Variants in RTF1 observed in about 807,000 individuals in gnomAD.
The protein encoded by RTF1 is RNA polymerase-associated protein RTF1 homolog.
RTF1 carries 10 observed loss-of-function variants against 95.7 expected under a neutral mutation model. That is an observed-to-expected ratio of 0.10 (90% CI 0.06 to 0.18). RTF1 has a LOEUF of 0.18. Among genes scored for constraint, RTF1 ranks in the 10% least tolerant of loss-of-function variants. The pLI, the probability that RTF1 is intolerant of heterozygous loss-of-function variation, is 1.00. For missense variants in RTF1, 458 were observed against 875.6 expected (o/e 0.52, Z 6.02); for synonymous variants, 305 against 311.8 (o/e 0.98, Z 0.23).
chr15:41,454,500 C>T (rs1423636603), intron 3 of RTF1, among the ~76,000 whole-genome samples: 1 of 152,056 alleles, frequency 6.6e-6, no homozygotes, highest in Non-Finnish European at 1.5e-5. Flanking sequence ...CTCAAGAATC[C>T]TCAATGATTG....
At chr15:41,421,454 A>AC (rs2050600287) in intron 1 of RTF1, among the ~76,000 whole-genome samples, 1 of 146,022 alleles carries the variant, frequency 6.8e-6, no homozygotes, top group African/African-American at 2.5e-5. Context: ...GAAACTCTGT[A>AC]TTAAAAAAAA....
chr15:41,461,372 G>A (rs933033460), intron 4 of RTF1, among the ~76,000 whole-genome samples: 1 of 151,854 alleles, frequency 6.6e-6, no homozygotes, highest in African/African-American at 2.4e-5. Context: ...AGTAGAGACA[G>A]GGTTTCACTA....
At chr15:41,455,065 C>T (rs1490876667) in intron 3 of RTF1, among the ~76,000 whole-genome samples, 3 of 152,062 alleles carry the variant, frequency 2.0e-5, no homozygotes, top group Admixed American at 1.3e-4. Flanking sequence ...CCTGTAATCC[C>T]AGCACTTTGG....
intron 16 of RTF1, among the ~76,000 whole-genome samples, chr15:41,479,880 A>T (rs2050961812): frequency 6.6e-6 from 1 of 151,780 alleles, no homozygotes. Flanking sequence ...AAAAAAAAAA[A>T]AGCAGTTTTC....
intron 15 of RTF1, 154 bp downstream of exon 15, chr15:41,478,779 C>T (rs2050955193): frequency 3.0e-6 from 2 of 677,226 alleles, no homozygotes; most frequent in South Asian, 3.6e-5. Flanking sequence ...CCTTTTTTAT[C>T]TTGCTATAGG....
chr15:41,447,981 A>G (rs751680171), intron 2 of RTF1, among the ~76,000 whole-genome samples: 22 of 152,248 alleles, frequency 1.4e-4, no homozygotes, highest in Non-Finnish European at 2.6e-4. Context: ...CCCATTTACT[A>G]CTACATCCTG....
chr15:41,442,974 C>T (rs2050743184), intron 2 of RTF1, among the ~76,000 whole-genome samples: 1 of 152,140 alleles, frequency 6.6e-6, no homozygotes, highest in Non-Finnish European at 1.5e-5. Flanking sequence ...TTTTTTCAAA[C>T]TTATATATGT....
At chr15:41,460,223 A>G (rs954014025) in intron 4 of RTF1, among the ~76,000 whole-genome samples, 4 of 151,426 alleles carry the variant, frequency 2.6e-5, no homozygotes, top group Non-Finnish European at 1.5e-5. Flanking sequence ...CCTGGGTTCA[A>G]GTGATTCTCC....
Position 41,480,887 on chromosome 15 carries a change from C to T in RTF1, c.*200C>T. The T allele has an allele frequency of 1.7e-6, 1 of 579,544 alleles. No homozygotes were observed. The highest frequency in any genetic ancestry group is 2.9e-5 in the East Asian group (1 of 34,952). The allele number at this position is 579,544 out of a possible 1,614,324, so 35.9% of individuals were successfully genotyped here. A position where few individuals can be genotyped will look rare whatever the true frequency, so the allele number is the denominator to read the frequency against. On this transcript the variant is annotated 3_prime_UTR_variant, in exon 18 of 18. Coordinates refer to ENST00000389629, the MANE Select transcript of RTF1 (RefSeq NM_015138.5). ...ACACCATCTCCCACCAGCCTCCCCT[C>T]CCCCAGGGCCCCACCCAGTGTGGGC...
intron 1 of RTF1, among the ~76,000 whole-genome samples, chr15:41,426,387 C>T (rs1302379925): frequency 2.0e-5 from 3 of 151,486 alleles, no homozygotes; most frequent in Non-Finnish European, 4.4e-5. Context: ...CTCACTGCAA[C>T]CTCCCCCTCC....
intron 1 of RTF1, among the ~76,000 whole-genome samples, chr15:41,434,794 A>AT (rs1406888204): frequency 6.6e-6 from 1 of 150,828 alleles, no homozygotes; most frequent in Non-Finnish European, 1.5e-5. Context: ...TGCCCGGCTA[A>AT]TTTTTTGTAT....
chr15:41,455,082 A>T (rs1379672157), intron 3 of RTF1, among the ~76,000 whole-genome samples: 8 of 152,076 alleles, frequency 5.3e-5, no homozygotes, highest in Admixed American at 1.3e-4. Context: ...TTGGGAGGCC[A>T]AGGCAGGCGG....
chr15:41,452,714 A>G (rs536494273), intron 2 of RTF1, among the ~76,000 whole-genome samples, 187 bp from the exon 3 acceptor site: 82 of 152,234 alleles, frequency 5.4e-4, no homozygotes. Flanking sequence ...AGCCTGGACA[A>G]TAGAATGAGA....
intron 4 of RTF1, among the ~76,000 whole-genome samples, chr15:41,458,402 AAC>A (rs1281925926): frequency 1.3e-5 from 2 of 152,126 alleles, no homozygotes; most frequent in African/African-American, 4.8e-5. Flanking sequence ...GACACCATAA[AAC>A]ACGCTGTGGC....
intron 1 of RTF1, among the ~76,000 whole-genome samples, chr15:41,427,433 G>A (rs2050641398): frequency 6.6e-6 from 1 of 152,174 alleles, no homozygotes; most frequent in Non-Finnish European, 1.5e-5. Flanking sequence ...TTACAGGCGT[G>A]AGCCACTGCG....
Position 41,480,992 on chromosome 15 carries a change from C to G in RTF1, c.*305C>G. The G allele has an allele frequency of 3.1e-6, 1 of 327,088 alleles. No individual in the cohort carries two copies. The highest frequency in any genetic ancestry group is 5.9e-6 in the Non-Finnish European group (1 of 170,188). The allele number at this position is 327,088 out of a possible 1,614,324, so 20.3% of individuals were successfully genotyped here. A position where few individuals can be genotyped will look rare whatever the true frequency, so the allele number is the denominator to read the frequency against. ...TTTTAACCGCGCAGTTCATTGGCCA[C>G]TCTGCACGCATTCAGTATTACCATG... On this transcript the variant is annotated 3_prime_UTR_variant, in exon 18 of 18. Coordinates refer to ENST00000389629, the MANE Select transcript of RTF1 (RefSeq NM_015138.5).
At chr15:41,456,963 A>G (rs1365793806) in intron 3 of RTF1, among the ~76,000 whole-genome samples, 1 of 152,132 alleles carries the variant, frequency 6.6e-6, no homozygotes, top group Non-Finnish European at 1.5e-5. Context: ...GTGCACCTGT[A>G]GTCCCAGCTA....
intron 1 of RTF1, among the ~76,000 whole-genome samples, chr15:41,421,369 T>G (rs901627833): frequency 6.6e-6 from 1 of 150,812 alleles, no homozygotes; most frequent in Non-Finnish European, 1.5e-5. Flanking sequence ...GGCAGGAGAA[T>G]CACTTGAACC....
chr15:41,456,067 G>A (rs1372628689), intron 3 of RTF1, among the ~76,000 whole-genome samples: 2 of 151,946 alleles, frequency 1.3e-5, no homozygotes, highest in Admixed American at 6.6e-5. Flanking sequence ...TTAGCCGGGC[G>A]TGGTGGCATG....
Sources: allele counts gnomAD v4.1 joint callset (sites outside exome capture counted in the v4.1 genomes callset), GRCh38; gene constraint gnomAD v4.1.1; transcripts MANE v1.5; gene names NCBI Gene and HGNC (gene_info 2026-07-23, HGNC 2026-07-21).